Variants in FMN1 observed in about 807,000 individuals in gnomAD.
FMN1 encodes the protein formin-1.
FMN1 carries 110 observed loss-of-function variants against 132.4 expected under a neutral mutation model. That is an observed-to-expected ratio of 0.83 (90% CI 0.71 to 0.97). FMN1 has a LOEUF of 0.97. FMN1 is among the 50% of genes least tolerant of loss of function. The pLI is 0.00. For missense variants in FMN1, 1,792 were observed against 1,705.3 expected, an observed-to-expected ratio of 1.05 and a Z score of -0.90; for synonymous variants, 722 against 651.7, an observed-to-expected ratio of 1.11 and a Z score of -1.64.
chr15:33,108,154 A>G (rs1447844540), intron 4 of FMN1, among the ~76,000 whole-genome samples: 3 of 151,846 alleles, frequency 2.0e-5, no homozygotes, highest in African/African-American at 4.8e-5. Flanking sequence ...TCATGTTTTT[A>G]CCATCCTTTG....
At chr15:33,167,670 T>C (rs1965163352) in intron 3 of FMN1, among the ~76,000 whole-genome samples, 1 of 152,236 alleles carries the variant, frequency 6.6e-6, no homozygotes, top group South Asian at 2.1e-4. Context: ...CCATAAGTCT[T>C]ACTGATAACA....
At chr15:32,833,699 C>A (rs1284968874) in intron 17 of FMN1, among the ~76,000 whole-genome samples, 1 of 152,140 alleles carries the variant, frequency 6.6e-6, no homozygotes, top group East Asian at 1.9e-4. Flanking sequence ...ATTGAAAATA[C>A]CACTTATGAG....
At chr15:32,969,527 A>G (rs776268138) in intron 7 of FMN1, 50 bp from the exon 8 acceptor site, 3 of 1,573,370 alleles carry the variant, frequency 1.9e-6, no homozygotes, top group Non-Finnish European at 2.6e-6. Context: ...TTAAGAACAA[A>G]CTTAAGAATT....
chr15:32,883,848 T>C (rs1387028392), intron 16 of FMN1, among the ~76,000 whole-genome samples: 1 of 152,152 alleles, frequency 6.6e-6, no homozygotes, highest in Non-Finnish European at 1.5e-5. Flanking sequence ...CTACAGAACT[T>C]CCCAGAGGCT....
At chr15:32,911,849 A>T (rs2060569243) in intron 10 of FMN1, among the ~76,000 whole-genome samples, 2 of 152,136 alleles carry the variant, frequency 1.3e-5, no homozygotes, top group Non-Finnish European at 2.9e-5. Context: ...ACCAGTAAAG[A>T]AAAATGCAGT....
rs544041154 is a variant in FMN1 at position 33,039,547 on chromosome 15, C to G, written c.2161+25410G>C. Among the ~76,000 whole-genome samples the G allele has an allele frequency of 1.2e-4, 19 of 152,278 alleles. No individual in the cohort carries two copies. The South Asian group carries it at 3.7e-3, about 30-fold the overall frequency. Reference sequence around the variant, plus strand: ...CCTAGAGCTGAATGTATATTTTACCCAAGCACTGGATAAACTATAAAAATA... The same window carrying G: ...CCTAGAGCTGAATGTATATTTTACCGAAGCACTGGATAAACTATAAAAATA... On this transcript the variant is annotated intron_variant, in intron 6 of 20. Coordinates refer to ENST00000616417, the MANE Select transcript of FMN1 (RefSeq NM_001277313.2).
intron 16 of FMN1, among the ~76,000 whole-genome samples, chr15:32,879,216 C>T (rs1374986144): frequency 1.3e-5 from 2 of 152,158 alleles, no homozygotes; most frequent in Non-Finnish European, 2.9e-5. Context: ...AATCATTTTA[C>T]AAAAATAAAT....
At chr15:33,117,957 T>A (rs1162126494) in intron 4 of FMN1, among the ~76,000 whole-genome samples, 1 of 152,194 alleles carries the variant, frequency 6.6e-6, no homozygotes, top group East Asian at 1.9e-4. Flanking sequence ...ATACTGTTTT[T>A]CGTGTTCCTA....
rs150791395 is a variant in FMN1 at position 32,890,947 on chromosome 15, C to T, written c.3715-2655G>A. 5.9e-3 allele frequency among the ~76,000 whole-genome samples: 892 copies of T among 152,246 alleles called. 11 individuals carry two copies. Among genetic ancestry groups the T allele is most frequent in the African/African-American group, 0.02 (847 of 41,540 alleles). On this transcript the variant is annotated intron_variant, in intron 15 of 20. Transcript: ENST00000616417. ...AGAGATGAGGATCCAGTTTCATTCT[C>T]CTACATGTGGCTAGCCAATTATCCC...
At chr15:32,931,655 T>A (rs1040893347) in intron 9 of FMN1, among the ~76,000 whole-genome samples, 3 of 152,190 alleles carry the variant, frequency 2.0e-5, no homozygotes, top group African/African-American at 4.8e-5. Flanking sequence ...ACACAGATAA[T>A]CTTACTATTT....
At chr15:32,857,650 C>T (rs746274665) in intron 16 of FMN1, among the ~76,000 whole-genome samples, 8 of 152,168 alleles carry the variant, frequency 5.3e-5, no homozygotes, top group African/African-American at 1.9e-4. Flanking sequence ...TCATGCTTCC[C>T]GTTCACCTAC....
At chr15:32,801,752 G>A (rs576285290) in intron 18 of FMN1, among the ~76,000 whole-genome samples, 7 of 152,310 alleles carry the variant, frequency 4.6e-5, no homozygotes, top group African/African-American at 9.6e-5. Context: ...CCCAGACTGC[G>A]CCACTGCAAT....
chr15:32,868,381 G>A (rs887509342), intron 16 of FMN1, among the ~76,000 whole-genome samples: 1 of 152,162 alleles, frequency 6.6e-6, no homozygotes, highest in African/African-American at 2.4e-5. Context: ...GTTGGGGACT[G>A]TAACAGTATA....
At chr15:33,164,253 AAGGAAAGC>A (rs1350714315) in intron 3 of FMN1, among the ~76,000 whole-genome samples, 2 of 152,232 alleles carry the variant, frequency 1.3e-5, no homozygotes, top group Non-Finnish European at 2.9e-5. Flanking sequence ...ATGTCACAAG[AAGGAAAGC>A]ACTAAACTAG....
intron 6 of FMN1, among the ~76,000 whole-genome samples, chr15:33,023,821 T>C (rs2035537303): frequency 6.6e-6 from 1 of 152,126 alleles, no homozygotes; most frequent in Non-Finnish European, 1.5e-5. Context: ...TGCATTGAAA[T>C]TTGTGGGGGA....
At chr15:33,072,398 G>A (rs1372778144) in intron 5 of FMN1, among the ~76,000 whole-genome samples, 1 of 152,290 alleles carries the variant, frequency 6.6e-6, no homozygotes, top group East Asian at 1.9e-4. Context: ...CTTCCAAGTA[G>A]ATGGAGGGAC....
At chr15:32,973,401 A>G (rs937767619) in intron 7 of FMN1, among the ~76,000 whole-genome samples, 4 of 152,202 alleles carry the variant, frequency 2.6e-5, no homozygotes, top group Admixed American at 2.6e-4. Flanking sequence ...TAGGGGGCAG[A>G]TTACCAGGCA....
Position 33,158,913 on chromosome 15 carries a change from A to T in FMN1, c.-131-3868T>A, listed in dbSNP as rs1375308781. 2.6e-5 allele frequency among the ~76,000 whole-genome samples: 4 copies of T among 152,194 alleles called. No individual in the cohort carries two copies. The South Asian group carries it at 8.3e-4, about 31-fold the overall frequency. ...TTAAAAGATAGATTTCAGGCCAGGC[A>T]TGGTGCCTCATGACTATAATCCCAG... On this transcript the variant is annotated intron_variant, in intron 3 of 20. Transcript: ENST00000616417.
In FMN1 at chr15:33,154,701, C is replaced by A. The variant is rs1387289612; in HGVS notation, c.214G>T (p.Asp72Tyr). The A allele has an allele frequency of 6.5e-7, 1 of 1,536,082 alleles. No homozygotes were observed. The highest frequency in any genetic ancestry group is 2.4e-5 in the East Asian group (1 of 40,910). Residue 72 changes from aspartate (D) to tyrosine (Y), a missense_variant, in exon 4 of 21, where the codon GAC becomes TAC. Asp to Tyr is a radical substitution (Grantham distance 160, BLOSUM62 -3). Around this residue, in one of 3 missense-constraint regions of FMN1, gnomAD observed 638 missense variants for 645.2 expected, o/e 0.99. Coordinates refer to ENST00000616417, the MANE Select transcript of FMN1 (RefSeq NM_001277313.2). ...GTGGGAGTCTGCTTGAAAAATATGTCGCCTGGATGTTCGTCCGGCTCCTGG... is the reference window on the plus strand; with the variant it reads ...GTGGGAGTCTGCTTGAAAAATATGTAGCCTGGATGTTCGTCCGGCTCCTGG... Reference protein sequence around the residue: ...LSQEPDEHPGDIFFKQTPTKD... With the variant: ...LSQEPDEHPGYIFFKQTPTKD...
Sources: allele counts gnomAD v4.1 joint callset (sites outside exome capture counted in the v4.1 genomes callset), GRCh38; gene constraint gnomAD v4.1.1; regional missense constraint gnomAD v4.1.1; transcripts MANE v1.5; gene names NCBI Gene and HGNC (gene_info 2026-07-23, HGNC 2026-07-21).